The following STRBP variants were observed in gnomAD, a reference collection of about 807,000 sequenced individuals.
STRBP encodes the protein spermatid perinuclear RNA binding protein, also known as spermatid perinuclear RNA-binding protein.
Under a neutral mutation model 80.1 loss-of-function variants are expected in STRBP, and 13 were observed. That is an observed-to-expected ratio of 0.16 (90% CI 0.11 to 0.26). The LOEUF is 0.26. Among genes scored for constraint, STRBP ranks in the 10% least tolerant of loss-of-function variants. The pLI, the probability that STRBP is intolerant of heterozygous loss-of-function variation, is 1.00. For missense variants in STRBP, 485 were observed against 815.2 expected (o/e 0.59, Z 4.93); for synonymous variants, 284 against 291.2 (o/e 0.98, Z 0.25).
At chr9:123,184,529 A>C (rs1053204939) in intron 2 of STRBP, among the ~76,000 whole-genome samples, 1 of 152,222 alleles carries the variant, frequency 6.6e-6, no homozygotes, top group Non-Finnish European at 1.5e-5. Context: ...CAGCTGGCTG[A>C]CTAGCACTCA....
chr9:123,251,279 G>C (rs193242566), intron 1 of STRBP, among the ~76,000 whole-genome samples: 1 of 151,994 alleles, frequency 6.6e-6, no homozygotes, highest in African/African-American at 2.4e-5. Flanking sequence ...ACAAGAGAAC[G>C]GACGGCACTT....
chr9:123,170,309 A>G (rs1464976360), intron 5 of STRBP, among the ~76,000 whole-genome samples: 2 of 152,222 alleles, frequency 1.3e-5, no homozygotes, highest in African/African-American at 4.8e-5. Context: ...ATTTAAAACC[A>G]TTCTAATATT....
chr9:123,154,515 T>G (rs550020901), intron 11 of STRBP, among the ~76,000 whole-genome samples: 1 of 152,334 alleles, frequency 6.6e-6, no homozygotes, highest in African/African-American at 2.4e-5. Flanking sequence ...TCTGGGGCAC[T>G]GATAGAATTC....
chr9:123,134,600 T>C (rs1162895690), intron 16 of STRBP, among the ~76,000 whole-genome samples: 3 of 152,214 alleles, frequency 2.0e-5, no homozygotes, highest in Non-Finnish European at 4.4e-5. Context: ...ATGAGTGAAC[T>C]TCATGTAGAC....
At chr9:123,225,755 A>G (rs1196037265) in intron 2 of STRBP, among the ~76,000 whole-genome samples, 3 of 152,166 alleles carry the variant, frequency 2.0e-5, no homozygotes, top group Admixed American at 2.0e-4. Context: ...CCAGCCCTCC[A>G]AGAGATTCTG....
At chr9:123,111,220 G>A in intron 3 of STRBP, 1 of 172,644 alleles carries the variant, frequency 5.8e-6, no homozygotes. Flanking sequence ...GGAAATGCGT[G>A]TGTCTGGATC....
intron 1 of STRBP, among the ~76,000 whole-genome samples, chr9:123,252,277 G>C (rs190909837): frequency 2.1e-4 from 32 of 152,266 alleles, no homozygotes; most frequent in African/African-American, 7.2e-4. Context: ...CGGACCATTT[G>C]AACACAATTC....
chr9:123,176,255 C>T (rs909983693), intron 4 of STRBP, among the ~76,000 whole-genome samples: 2 of 152,212 alleles, frequency 1.3e-5, no homozygotes, highest in African/African-American at 4.8e-5. Flanking sequence ...TATCCATCCT[C>T]TGAGCCTATT....
intron 5 of STRBP, among the ~76,000 whole-genome samples, chr9:123,171,373 A>G (rs2038001801): frequency 6.6e-6 from 1 of 152,218 alleles, no homozygotes; most frequent in African/African-American, 2.4e-5. Context: ...TAGATAACTG[A>G]AAGTTTTGCT....
chr9:123,237,723 C>T (rs2040599498), intron 1 of STRBP, among the ~76,000 whole-genome samples: 1 of 152,094 alleles, frequency 6.6e-6, no homozygotes, highest in Non-Finnish European at 1.5e-5. Flanking sequence ...TATTTCAGGG[C>T]TCTATTTCAG....
At chr9:123,134,094 A>C (rs1192964608) in intron 16 of STRBP, among the ~76,000 whole-genome samples, 1 of 152,358 alleles carries the variant, frequency 6.6e-6, no homozygotes, top group Admixed American at 6.5e-5. Flanking sequence ...GAGTAACAGT[A>C]AACAGGACTG....
chr9:123,165,126 TA>T lies in STRBP; in HGVS notation c.536-4059del, dbSNP rs1431719700. On this transcript the variant is annotated intron_variant, in intron 6 of 18. Coordinates refer to ENST00000348403, the MANE Select transcript of STRBP (RefSeq NM_018387.5). ...TGAAACCCCGTCTCTACTGAAAACA[TA>T]AAAATTAGCTGGGTGTGGTGGCCAG... 2.6e-4 allele frequency among the ~76,000 whole-genome samples: 40 copies of T among 151,752 alleles called. No homozygotes were observed. In the South Asian group the frequency reaches 7.9e-3, roughly 30 times the overall value.
At chr9:123,183,467 A>G (rs1317479900) in intron 3 of STRBP, among the ~76,000 whole-genome samples, 1 of 151,996 alleles carries the variant, frequency 6.6e-6, no homozygotes, top group Non-Finnish European at 1.5e-5. Flanking sequence ...TTTCTCGCTT[A>G]TACTTAGGAG....
intron 6 of STRBP, among the ~76,000 whole-genome samples, chr9:123,161,365 T>C (rs1479956908): frequency 6.6e-6 from 1 of 152,202 alleles, no homozygotes; most frequent in Non-Finnish European, 1.5e-5. Flanking sequence ...TTATTAAGCA[T>C]CTATAACATT....
chr9:123,163,467 C>G (rs1217867431), intron 6 of STRBP, among the ~76,000 whole-genome samples: 1 of 152,184 alleles, frequency 6.6e-6, no homozygotes, highest in Non-Finnish European at 1.5e-5. Flanking sequence ...AAGACTTGCA[C>G]CAGGTTCCCT....
At chr9:123,127,391 G>C (rs1402364574) in intron 18 of STRBP, among the ~76,000 whole-genome samples, 1 of 152,122 alleles carries the variant, frequency 6.6e-6, no homozygotes, top group African/African-American at 2.4e-5. Context: ...GGGGCATGCT[G>C]ACACACACAC....
chr9:123,212,505 A>T (rs573499626), intron 2 of STRBP: 1 of 152,330 alleles, frequency 6.6e-6, no homozygotes, highest in East Asian at 1.9e-4. Flanking sequence ...CTAGCCAAAA[A>T]AGAGACAGAA....
chr9:123,122,813 A>T lies in STRBP; in HGVS notation c.*2784T>A. 3.0e-6 allele frequency: 3 copies of T among 989,128 alleles called. No individual in the cohort carries two copies. The highest frequency in any genetic ancestry group is 3.6e-6 in the Non-Finnish European group (3 of 832,364). 61.3% of individuals were successfully genotyped at this position (989,128 alleles called of 1,614,324 possible). A position where few individuals can be genotyped will look rare whatever the true frequency, so the allele number is the denominator to read the frequency against. On this transcript the variant is annotated 3_prime_UTR_variant, in exon 19 of 19. Coordinates refer to ENST00000348403, the MANE Select transcript of STRBP (RefSeq NM_018387.5). ...ATTTATGTGCTAAAAAGTGTAAAAA[A>T]CTGTCAGAACATAGCACAGCTCACA...
chr9:123,167,891 A>G (rs1357497293), intron 6 of STRBP, among the ~76,000 whole-genome samples: 3 of 152,202 alleles, frequency 2.0e-5, no homozygotes, highest in Non-Finnish European at 4.4e-5. Flanking sequence ...AACAGAAGTT[A>G]AAGTTATAAA....
Sources: gnomAD v4.1 joint callset for allele counts (sites outside exome capture counted in the v4.1 genomes callset) on GRCh38, gnomAD v4.1.1 for gene constraint, MANE v1.5 for transcripts, NCBI Gene and HGNC (gene_info 2026-07-23, HGNC 2026-07-21) for gene names.